The following DNAH3 variants were observed in gnomAD, a reference collection of about 807,000 sequenced individuals.
The protein encoded by DNAH3 is dynein axonemal heavy chain 3.
Under a neutral mutation model 432.5 loss-of-function variants are expected in DNAH3, and 332 were observed. The observed-to-expected ratio is 0.77, with a 90% CI of 0.70 to 0.84. The LOEUF (loss-of-function observed/expected upper bound fraction) is 0.84, where lower values mean the gene tolerates loss of function less well. Among genes scored for constraint, DNAH3 ranks in the 40% least tolerant of loss-of-function variants. The probability of loss-of-function intolerance (pLI) is 0.00; values close to 1 mark genes in which losing one functional copy is unlikely to be tolerated. For missense variants in DNAH3, 4,861 were observed against 5,114.0 expected (o/e 0.95, Z 1.51); for synonymous variants, 1,956 against 1,900.2 (o/e 1.03, Z -0.76).
chr16:20,933,430 G>C (rs1282275244), exon 62 of DNAH3: 2 of 1,614,068 alleles, frequency 1.2e-6, no homozygotes, highest in South Asian at 2.2e-5. Context: ...TGTCCCAACG[G>C]GCACCTTCTA....
chr16:21,077,615 C>T (rs1387186102), intron 20 of DNAH3, among the ~76,000 whole-genome samples: 1 of 152,102 alleles, frequency 6.6e-6, no homozygotes, highest in Non-Finnish European at 1.5e-5. Flanking sequence ...CAGAAAGGGG[C>T]ATAGAGGGAG....
chr16:21,040,079 G>C, intron 32 of DNAH3, 136 bp from the exon 33 acceptor site: 2 of 739,296 alleles, frequency 2.7e-6, no homozygotes, highest in Admixed American at 2.6e-5. Context: ...AAGGACTGGG[G>C]GACAAGTGAG....
chr16:20,948,750 GAT>G, intron 56 of DNAH3, 113 bp from the exon 57 acceptor site: 1 of 1,173,198 alleles, frequency 8.5e-7, no homozygotes, highest in Middle Eastern at 2.8e-4. Flanking sequence ...GGGACATAGT[GAT>G]AGGGACAGCA....
intron 41 of DNAH3, among the ~76,000 whole-genome samples, chr16:21,010,436 G>C (rs1049952194): frequency 3.3e-5 from 5 of 152,120 alleles, no homozygotes; most frequent in Non-Finnish European, 1.5e-5. Context: ...CAATGAATGA[G>C]TGAATGAAGA....
At chr16:20,933,122 G>C (rs2083467361) in exon 62 of DNAH3, 2 of 1,570,292 alleles carry the variant, frequency 1.3e-6, no homozygotes, top group Non-Finnish European at 1.7e-6. Context: ...AGAATGAAAT[G>C]CTTTTTATTT....
At chr16:21,157,327 T>C (rs1336330344) in intron 1 of DNAH3, among the ~76,000 whole-genome samples, 2 of 146,244 alleles carry the variant, frequency 1.4e-5, no homozygotes, top group Non-Finnish European at 3.0e-5. Flanking sequence ...TACAACCCTG[T>C]GATTGCTTCT....
intron 18 of DNAH3, 71 bp downstream of exon 18, chr16:21,097,284 A>G (rs2091709684): frequency 2.5e-6 from 4 of 1,574,718 alleles, no homozygotes; most frequent in Non-Finnish European, 3.5e-6. Flanking sequence ...TGCAAACCAT[A>G]TTTCAGAAGT....
intron 38 of DNAH3, among the ~76,000 whole-genome samples, chr16:21,026,751 C>G (rs2088583424): frequency 1.4e-5 from 2 of 147,480 alleles, no homozygotes; most frequent in Non-Finnish European, 3.0e-5. Context: ...TGGGAGCCTA[C>G]TTCAGGGTGG....
chr16:21,015,659 G>A (rs1423077297), intron 41 of DNAH3, among the ~76,000 whole-genome samples: 2 of 152,174 alleles, frequency 1.3e-5, no homozygotes, highest in African/African-American at 2.4e-5. Flanking sequence ...GTGAGAAGAA[G>A]TGGCATATGG....
chr16:21,013,753 AAGAC>A (rs959382378), intron 41 of DNAH3, among the ~76,000 whole-genome samples: 15 of 151,668 alleles, frequency 9.9e-5, no homozygotes, highest in African/African-American at 1.5e-4. Context: ...AAAAAAATGA[AAGAC>A]AGGCCATCAG....
chr16:21,111,469 C>A (rs2092070227), intron 14 of DNAH3, among the ~76,000 whole-genome samples, 157 bp downstream of exon 14: 1 of 152,124 alleles, frequency 6.6e-6, no homozygotes, highest in African/African-American at 2.4e-5. Context: ...CACCTCCTAG[C>A]CTGAACCTGA....
chr16:20,985,686 C>T (rs1477543669), exon 48 of DNAH3: 1 of 1,613,990 alleles, frequency 6.2e-7, no homozygotes. Flanking sequence ...CATCGACTAT[C>T]TTTCCAGTGG....
intron 26 of DNAH3, among the ~76,000 whole-genome samples, chr16:21,059,115 T>C (rs1015095868): frequency 4.6e-5 from 7 of 152,258 alleles, no homozygotes; most frequent in African/African-American, 7.2e-5. Flanking sequence ...CCATTTACTA[T>C]ACATATGTGT....
chr16:21,037,702 C>G, intron 34 of DNAH3, 59 bp downstream of exon 34: 1 of 1,492,702 alleles, frequency 6.7e-7, no homozygotes, highest in Non-Finnish European at 9.3e-7. Context: ...CCAAACACAA[C>G]ATTTCATCTT....
intron 2 of DNAH3, 102 bp from the exon 4 acceptor site, chr16:21,145,508 G>A (rs6497538): frequency 0.43 from 415,721 of 962,892 alleles, 92,998 homozygotes; most frequent in East Asian, 0.67. Context: ...AGTGCCTTAT[G>A]CTATGTTTCT....
At position 21,049,925 on chromosome 16, in the gene DNAH3, T is replaced by C. The variant is rs751787217; in HGVS notation, c.4332A>G (p.Lys1444=). The C allele has an allele frequency of 3.1e-6, 5 of 1,613,962 alleles. No homozygotes were observed. In the South Asian group the frequency reaches 4.4e-5, roughly 14 times the overall value. ...ATTTGCTTACCTGCTTAGCCAAGGC[T>C]TTGGCCAAATCTTTGGTGGTTTCTG... Residue 1444 remains lysine (K), a synonymous_variant, in exon 30 of 62, where the codon AAA becomes AAG. Transcript: ENST00000261383.
chr16:20,988,872 G>A (rs900739287), intron 44 of DNAH3, among the ~76,000 whole-genome samples: 2 of 152,024 alleles, frequency 1.3e-5, no homozygotes, highest in African/African-American at 4.8e-5. Context: ...GCTGGCTCAG[G>A]AGTGAAGCTG....
intron 42 of DNAH3, 130 bp from the exon 43 acceptor site, chr16:21,000,648 A>G: frequency 1.3e-6 from 1 of 745,432 alleles, no homozygotes. Context: ...CGAGTCTTTA[A>G]CCTCTCCATG....
intron 44 of DNAH3, among the ~76,000 whole-genome samples, chr16:20,988,998 G>A (rs936884486): frequency 6.6e-6 from 1 of 152,118 alleles, no homozygotes. Context: ...ACTTTCGCGG[G>A]GAGTGTTACA....
Sources: allele counts gnomAD v4.1 joint callset (sites outside exome capture counted in the v4.1 genomes callset), GRCh38; gene constraint gnomAD v4.1.1; transcripts MANE v1.5; gene names NCBI Gene and HGNC (gene_info 2026-07-23, HGNC 2026-07-21).